The following SMARCC1 variants were observed in gnomAD, a reference collection of about 807,000 sequenced individuals.
SMARCC1 encodes SWI/SNF complex subunit SMARCC1.
Under a neutral mutation model 147.4 loss-of-function variants are expected in SMARCC1, and 43 were observed. That is an observed-to-expected ratio of 0.29 (90% confidence interval 0.23 to 0.38). The LOEUF is 0.38. Ranked by LOEUF, SMARCC1 falls within the 10% of genes least tolerant of loss-of-function variation. The pLI, the probability that SMARCC1 is intolerant of heterozygous loss-of-function variation, is 1.00. For synonymous variants in SMARCC1, 495 were observed against 484.4 expected, an observed-to-expected ratio of 1.02 and a Z score of -0.29; for missense variants, 1,119 against 1,381.1, an observed-to-expected ratio of 0.81 and a Z score of 3.01.
intron 9 of SMARCC1, among the ~76,000 whole-genome samples, chr3:47,709,642 C>T (rs561821560): frequency 1.1e-4 from 16 of 150,778 alleles, no homozygotes; most frequent in East Asian, 1.0e-3. Flanking sequence ...GCCGAGATCG[C>T]GCCACTGCAT....
At chr3:47,745,565 T>C (rs1019520204) in intron 3 of SMARCC1, among the ~76,000 whole-genome samples, 2 of 151,724 alleles carry the variant, frequency 1.3e-5, no homozygotes, top group African/African-American at 4.8e-5. Flanking sequence ...ATAGAAAAAT[T>C]AGCCAGGCAT....
intron 1 of SMARCC1, among the ~76,000 whole-genome samples, chr3:47,776,900 G>A (rs538122420): frequency 1.3e-5 from 2 of 151,872 alleles, no homozygotes; most frequent in African/African-American, 2.4e-5. Context: ...TTAGCCTACC[G>A]AGTACCTGGG....
At chr3:47,667,904 C>G (rs186840688) in intron 19 of SMARCC1, among the ~76,000 whole-genome samples, 58 of 152,088 alleles carry the variant, frequency 3.8e-4, no homozygotes, top group Admixed American at 9.8e-4. Flanking sequence ...GAACCCAGTA[C>G]AGTGGCTCAC....
chr3:47,682,188 G>A (rs900342216), intron 14 of SMARCC1, among the ~76,000 whole-genome samples: 3 of 151,524 alleles, frequency 2.0e-5, no homozygotes, highest in East Asian at 3.9e-4. Context: ...CCAGCTACTC[G>A]GGAGGCTGAG....
chr3:47,714,039 A>G (rs907121643), intron 8 of SMARCC1, among the ~76,000 whole-genome samples: 5 of 152,224 alleles, frequency 3.3e-5, no homozygotes, highest in African/African-American at 4.8e-5. Context: ...CTGCTGTAGA[A>G]AACAGCTGAG....
intron 26 of SMARCC1, among the ~76,000 whole-genome samples, chr3:47,606,296 T>A (rs931493054): frequency 2.0e-5 from 3 of 152,216 alleles, no homozygotes; most frequent in Non-Finnish European, 4.4e-5. Context: ...TAAATCCCCT[T>A]AGTCTTCCGT....
At chr3:47,708,280 A>C (rs1455854597) in intron 9 of SMARCC1, among the ~76,000 whole-genome samples, 1 of 151,124 alleles carries the variant, frequency 6.6e-6, no homozygotes, top group Non-Finnish European at 1.5e-5. Flanking sequence ...AGCTGGGACT[A>C]CAGTTGCGCA....
chr3:47,735,745 C>A (rs529270824), intron 5 of SMARCC1, among the ~76,000 whole-genome samples: 374 of 152,168 alleles, frequency 2.5e-3, no homozygotes, highest in Non-Finnish European at 4.6e-3. Flanking sequence ...CAGCGCGAGA[C>A]TCTCTCAACC....
chr3:47,722,428 G>A (rs1414986703), intron 6 of SMARCC1, among the ~76,000 whole-genome samples: 1 of 150,700 alleles, frequency 6.6e-6, no homozygotes. Flanking sequence ...CTCCCAAGTA[G>A]CTGGGATTAC....
chr3:47,603,793 A>G (rs2032425726), intron 26 of SMARCC1: 1 of 325,236 alleles, frequency 3.1e-6, no homozygotes, highest in Non-Finnish European at 6.0e-6. Context: ...GTTGGGGCCA[A>G]CCTCAGTTTC....
In SMARCC1 at chr3:47,622,300, T is replaced by G; in HGVS notation, c.2688A>C (p.Val896=). 1 of 1,612,958 alleles carries G rather than the reference T, an allele frequency of 6.2e-7. No homozygotes were observed. Among genetic ancestry groups the G allele is most frequent in the South Asian group, 1.1e-5 (1 of 90,754 alleles). The change falls in exon 25 of 28, where the codon GTA becomes GTC. Residue 896 remains valine, a synonymous_variant. Coordinates refer to ENST00000254480, the MANE Select transcript of SMARCC1 (RefSeq NM_003074.4). ...TCATTTGTGTCTCAACCAAGAGAGC[T>G]ACCAGGGACTTGATCTTTCTTTCTT... ...AVEERKIKSL[V]ALLVETQMKK...
chr3:47,700,965 A>G (rs1162849445), intron 11 of SMARCC1, among the ~76,000 whole-genome samples: 2 of 152,220 alleles, frequency 1.3e-5, no homozygotes, highest in Non-Finnish European at 2.9e-5. Context: ...AGAGATTTCA[A>G]TAAGTTAAAC....
intron 17 of SMARCC1, among the ~76,000 whole-genome samples, chr3:47,675,944 C>CAA (rs79032057): frequency 3.5e-5 from 4 of 113,406 alleles, no homozygotes; most frequent in Non-Finnish European, 3.8e-5. Context: ...GATTCCGTCT[C>CAA]AAAAAAAAAA....
chr3:47,635,250 G>C lies in SMARCC1; in HGVS notation c.2586C>G (p.Ser862=). 6.2e-7 allele frequency: 1 copy of C among 1,613,702 alleles called. No homozygotes were observed. The highest frequency in any genetic ancestry group is 8.5e-7 in the Non-Finnish European group (1 of 1,179,912). The change falls in exon 24 of 28, where the codon TCC becomes TCG. Residue 862 remains serine, a synonymous_variant. Coordinates refer to ENST00000254480, the MANE Select transcript of SMARCC1 (RefSeq NM_003074.4). ...TGKKKVEHEI[S]EGNVATAAAA... is the part of the protein sequence containing the mutation. Reference sequence around the variant, plus strand: ...CTGCGGCTGTGGCAACATTTCCTTCGGAAATTTCATGTTCTACTTTCTTCT... The same window carrying C: ...CTGCGGCTGTGGCAACATTTCCTTCCGAAATTTCATGTTCTACTTTCTTCT...
At chr3:47,756,417 C>CA (rs903408763) in intron 2 of SMARCC1, among the ~76,000 whole-genome samples, 2 of 151,400 alleles carry the variant, frequency 1.3e-5, no homozygotes, top group African/African-American at 4.9e-5. Context: ...CCTGTAACTC[C>CA]AGCTACTCAA....
chr3:47,703,175 C>G (rs1284915035), intron 10 of SMARCC1, among the ~76,000 whole-genome samples: 1 of 152,128 alleles, frequency 6.6e-6, no homozygotes, highest in Non-Finnish European at 1.5e-5. Flanking sequence ...CTCAGGCAAT[C>G]TGCCCACCTC....
At chr3:47,755,629 C>A (rs575604238) in intron 2 of SMARCC1, among the ~76,000 whole-genome samples, 3 of 151,610 alleles carry the variant, frequency 2.0e-5, no homozygotes, top group African/African-American at 7.3e-5. Context: ...GTGGTCAAGG[C>A]GGGCGGATCA....
rs1219774575 is a variant in SMARCC1, at chr3:47,706,439, G to C, written c.1010C>G (p.Thr337Arg). Residue 337 changes from threonine to arginine, a missense_variant, in exon 10 of 28, where the codon ACA (threonine) becomes AGA (arginine). Transcript: ENST00000254480. ...CTTCCCACTCTTCTTCCGTGATTCT[G>C]TTGGTGTCGGAGGGGGAGGCGAAGG... ...HSPSPPPPTP[T>R]ESRKKSGKKG... 9.5e-6 allele frequency: 15 copies of C among 1,577,788 alleles called. No homozygotes were observed. The highest frequency in any genetic ancestry group is 1.4e-5 in the African/African-American group (1 of 72,222).
intron 8 of SMARCC1, among the ~76,000 whole-genome samples, chr3:47,712,120 T>C (rs533086247): frequency 6.6e-6 from 1 of 152,176 alleles, no homozygotes; most frequent in Admixed American, 6.5e-5. Context: ...TAATCCCAGC[T>C]ACTCGGGAGG....
Sources: allele counts gnomAD v4.1 joint callset (sites outside exome capture counted in the v4.1 genomes callset), GRCh38; gene constraint gnomAD v4.1.1; transcripts MANE v1.5; gene names NCBI Gene and HGNC (gene_info 2026-07-23, HGNC 2026-07-21).